CDYL: variants seen among roughly 807,000 people sequenced by gnomAD.
CDYL encodes chromodomain Y-like protein.
CDYL carries 8 observed loss-of-function variants against 47.3 expected under a neutral mutation model. That is an observed-to-expected ratio of 0.17 (90% CI 0.10 to 0.31). CDYL has a LOEUF of 0.31. Ranked by LOEUF, CDYL falls within the 10% of genes least tolerant of loss-of-function variation. CDYL has a pLI of 1.00. For missense variants in CDYL, 471 were observed against 701.4 expected (o/e 0.67, Z 3.71); for synonymous variants, 266 against 265.0 (o/e 1.00, Z -0.04).
chr6:4,938,555 C>T (rs1343693674), intron 4 of CDYL, among the ~76,000 whole-genome samples: 1 of 152,144 alleles, frequency 6.6e-6, no homozygotes, highest in Non-Finnish European at 1.5e-5. Context: ...TTAGCATATG[C>T]ATTACCTCAC....
chr6:4,837,965 A>C (rs1760373315), intron 1 of CDYL, among the ~76,000 whole-genome samples: 1 of 148,374 alleles, frequency 6.7e-6, no homozygotes, highest in African/African-American at 2.5e-5. Flanking sequence ...TTAAATAGAG[A>C]TGGGGTTTTG....
At chr6:4,754,053 T>C (rs921655028) in intron 3 of CDYL, among the ~76,000 whole-genome samples, 6 of 152,170 alleles carry the variant, frequency 3.9e-5, no homozygotes, top group African/African-American at 1.4e-4. Flanking sequence ...GAGGATCATT[T>C]GAGCCCAGGA....
At chr6:4,911,263 G>A (rs764160723) in intron 2 of CDYL, among the ~76,000 whole-genome samples, 3 of 152,244 alleles carry the variant, frequency 2.0e-5, no homozygotes, top group South Asian at 2.1e-4. Flanking sequence ...CCAGTCCAGG[G>A]TATGCATGCC....
chr6:4,760,879 C>T (rs1245282657), intron 3 of CDYL, among the ~76,000 whole-genome samples: 11 of 151,236 alleles, frequency 7.3e-5, no homozygotes, highest in African/African-American at 2.7e-4. Context: ...GGGATTCTCT[C>T]TCAACCAACC....
intron 1 of CDYL, among the ~76,000 whole-genome samples, chr6:4,859,754 C>T (rs896672160): frequency 1.3e-5 from 2 of 152,158 alleles, no homozygotes; most frequent in Non-Finnish European, 2.9e-5. Context: ...TTTGCCAGCA[C>T]CAGCTCTCCT....
chr6:4,837,965 A>G (rs1760373315), intron 1 of CDYL, among the ~76,000 whole-genome samples: 1 of 148,474 alleles, frequency 6.7e-6, no homozygotes, highest in African/African-American at 2.5e-5. Context: ...TTAAATAGAG[A>G]TGGGGTTTTG....
At chr6:4,795,623 A>G (rs1184305945) in intron 1 of CDYL, among the ~76,000 whole-genome samples, 2 of 152,010 alleles carry the variant, frequency 1.3e-5, no homozygotes, top group Non-Finnish European at 2.9e-5. Context: ...GAAGATTCTT[A>G]GGATACTTAA....
intron 2 of CDYL, among the ~76,000 whole-genome samples, chr6:4,718,249 A>G (rs1273059528): frequency 6.6e-6 from 1 of 150,668 alleles, no homozygotes; most frequent in African/African-American, 2.5e-5. Context: ...AAGAATGCCC[A>G]GTTTTTTGTC....
chr6:4,715,921 G>A (rs762422737), intron 2 of CDYL: 2 of 1,594,982 alleles, frequency 1.3e-6, no homozygotes, highest in Admixed American at 1.8e-5. Flanking sequence ...TGATGCAGTA[G>A]GCAGAATTCT....
chr6:4,916,748 G>T (rs1757567158), intron 2 of CDYL, among the ~76,000 whole-genome samples: 1 of 152,188 alleles, frequency 6.6e-6, no homozygotes, highest in Non-Finnish European at 1.5e-5. Flanking sequence ...TCTCTCAACA[G>T]CCTGTTTCTC....
At chr6:4,752,873 TA>T (rs1451912306) in intron 3 of CDYL, among the ~76,000 whole-genome samples, 6 of 147,410 alleles carry the variant, frequency 4.1e-5, no homozygotes, top group African/African-American at 1.6e-4. Flanking sequence ...GATAGGTAGG[TA>T]GGTAGGTATG....
intron 2 of CDYL, among the ~76,000 whole-genome samples, chr6:4,899,178 A>G (rs1036190838): frequency 6.6e-6 from 1 of 152,192 alleles, no homozygotes; most frequent in Non-Finnish European, 1.5e-5. Context: ...CCCCTGTTGT[A>G]TGTAAAAATG....
At chr6:4,910,884 A>G (rs1278225188) in intron 2 of CDYL, among the ~76,000 whole-genome samples, 1 of 151,078 alleles carries the variant, frequency 6.6e-6, no homozygotes, top group Non-Finnish European at 1.5e-5. Flanking sequence ...CCCAGGCTGG[A>G]GTGCAGTGGC....
chr6:4,850,850 GA>G (rs1419441133), intron 1 of CDYL, among the ~76,000 whole-genome samples: 1 of 152,086 alleles, frequency 6.6e-6, no homozygotes, highest in Non-Finnish European at 1.5e-5. Context: ...AAAATTATTT[GA>G]AAAAATGTAT....
At chr6:4,726,207 A>C (rs1342851655) in intron 2 of CDYL, among the ~76,000 whole-genome samples, 1 of 152,120 alleles carries the variant, frequency 6.6e-6, no homozygotes, top group Non-Finnish European at 1.5e-5. Flanking sequence ...TCAGGAGTTC[A>C]AGACCAGCCT....
chr6:4,951,929 C>T (rs115832676), intron 5 of CDYL, among the ~76,000 whole-genome samples: 2,816 of 152,242 alleles, frequency 0.018, 35 homozygotes, highest in South Asian at 0.031. Context: ...GGAGAGGAAG[C>T]TATACCAGTA....
At chr6:4,907,847 C>T (rs1227141927) in intron 2 of CDYL, among the ~76,000 whole-genome samples, 1 of 152,156 alleles carries the variant, frequency 6.6e-6, no homozygotes, top group Non-Finnish European at 1.5e-5. Flanking sequence ...CTTTTGCCCT[C>T]CTCTAGAACA....
chr6:4,710,871 T>C (rs1334465756), intron 1 of CDYL, among the ~76,000 whole-genome samples: 2 of 151,976 alleles, frequency 1.3e-5, no homozygotes, highest in African/African-American at 4.8e-5. Flanking sequence ...TAACACTGTA[T>C]TGAATGCTGG....
intron 2 of CDYL, among the ~76,000 whole-genome samples, chr6:4,896,054 C>T (rs1304675168): frequency 6.6e-6 from 1 of 152,192 alleles, no homozygotes; most frequent in Non-Finnish European, 1.5e-5. Context: ...TCTGCCTGGG[C>T]GCTGGTCAGA....
Sources: gnomAD v4.1 joint callset for allele counts (sites outside exome capture counted in the v4.1 genomes callset) on GRCh38, gnomAD v4.1.1 for gene constraint, MANE v1.5 for transcripts, NCBI Gene and HGNC (gene_info 2026-07-23, HGNC 2026-07-21) for gene names.